Variants in NFIA observed in about 807,000 individuals in gnomAD.
NFIA encodes the protein nuclear factor I A, also known as nuclear factor 1 A-type.
In NFIA, 8 loss-of-function variants were observed where a neutral mutation model predicts 62.8. The ratio of observed to expected loss-of-function variants is 0.13; its 90% CI spans 0.07 to 0.23. NFIA has a LOEUF of 0.23. Among genes scored for constraint, NFIA ranks in the 10% least tolerant of loss-of-function variants. NFIA has a pLI of 1.00. For synonymous variants in NFIA, 235 were observed against 238.1 expected, an observed-to-expected ratio of 0.99 and a Z score of 0.12; for missense variants, 410 against 642.1, an observed-to-expected ratio of 0.64 and a Z score of 3.91.
chr1:61,186,848 G>C (rs1462667000), intron 2 of NFIA, among the ~76,000 whole-genome samples: 1 of 152,186 alleles, frequency 6.6e-6, no homozygotes, highest in Non-Finnish European at 1.5e-5. Context: ...GAGAAGGAAA[G>C]TGAGCCAAAG....
chr1:61,313,333 T>C (rs1236835835), intron 3 of NFIA, among the ~76,000 whole-genome samples: 4 of 152,198 alleles, frequency 2.6e-5, no homozygotes, highest in African/African-American at 9.6e-5. Context: ...CTGCTGGGCT[T>C]CTGGGAAGGC....
At chr1:61,086,860 A>G (rs545719035) in intron 1 of NFIA, among the ~76,000 whole-genome samples, 27 of 152,286 alleles carry the variant, frequency 1.8e-4, no homozygotes, top group African/African-American at 6.3e-4. Context: ...AACAAACTGA[A>G]AAAGAATGCA....
At chr1:61,388,561 G>C (rs1264258761) in intron 7 of NFIA, among the ~76,000 whole-genome samples, 1 of 152,190 alleles carries the variant, frequency 6.6e-6, no homozygotes, top group African/African-American at 2.4e-5. Context: ...TGAAGATTAA[G>C]AAGATAGTGA....
At chr1:61,132,322 G>A (rs921105123) in intron 2 of NFIA, among the ~76,000 whole-genome samples, 4 of 152,134 alleles carry the variant, frequency 2.6e-5, no homozygotes, top group South Asian at 2.1e-4. Flanking sequence ...CGAGGAGGAC[G>A]TGGTTTAGTT....
At chr1:61,151,548 G>A (rs991327736) in intron 2 of NFIA, among the ~76,000 whole-genome samples, 1 of 152,140 alleles carries the variant, frequency 6.6e-6, no homozygotes, top group Middle Eastern at 3.2e-3. Flanking sequence ...GGGAAAAGGA[G>A]AAAAGAAGGA....
chr1:61,236,378 A>ACGGCAG (rs1401713882), intron 2 of NFIA, among the ~76,000 whole-genome samples: 1 of 152,148 alleles, frequency 6.6e-6, no homozygotes, highest in Non-Finnish European at 1.5e-5. Flanking sequence ...AAAATAACAG[A>ACGGCAG]CGGCAGTGTT....
At chr1:61,317,757 A>G (rs1035746726) in intron 3 of NFIA, among the ~76,000 whole-genome samples, 7 of 152,090 alleles carry the variant, frequency 4.6e-5, no homozygotes, top group African/African-American at 1.7e-4. Context: ...TTTTTCTGTT[A>G]AAAATTCCCT....
intron 3 of NFIA, among the ~76,000 whole-genome samples, chr1:61,312,605 C>T (rs1660178199): frequency 6.6e-6 from 1 of 152,058 alleles, no homozygotes; most frequent in Non-Finnish European, 1.5e-5. Context: ...CTCAACTTCC[C>T]AGGCTCAGGT....
intron 2 of NFIA, among the ~76,000 whole-genome samples, chr1:61,136,279 C>G (rs1021844217): frequency 6.6e-6 from 1 of 152,168 alleles, no homozygotes; most frequent in Non-Finnish European, 1.5e-5. Context: ...TGAAGACTGT[C>G]TTAACAAGCA....
upstream of NFIA, among the ~76,000 whole-genome samples, chr1:61,081,256 TA>T (rs377051682): frequency 3.0e-3 from 429 of 142,352 alleles, 2 homozygotes; most frequent in Middle Eastern, 7.2e-3. Context: ...AATATGAGGT[TA>T]AAAAAAAAAA....
At chr1:61,155,970 A>G (rs529840653) in intron 2 of NFIA, among the ~76,000 whole-genome samples, 8 of 152,044 alleles carry the variant, frequency 5.3e-5, no homozygotes, top group Non-Finnish European at 8.8e-5. Flanking sequence ...AAATCCCGTC[A>G]CTACTAAAAA....
chr1:61,133,287 T>C (rs1164214600), intron 2 of NFIA, among the ~76,000 whole-genome samples: 1 of 151,732 alleles, frequency 6.6e-6, no homozygotes, highest in East Asian at 1.9e-4. Flanking sequence ...TTTTTCTCTG[T>C]TGACCTAATG....
chr1:61,141,203 C>T (rs946941309), intron 2 of NFIA, among the ~76,000 whole-genome samples: 5 of 151,972 alleles, frequency 3.3e-5, no homozygotes, highest in East Asian at 1.9e-4. Context: ...GCTACAAGAT[C>T]GAAGAAGGAG....
At chr1:61,091,919 CAAATT>C in intron 2 of NFIA, among the ~76,000 whole-genome samples, 1 of 151,336 alleles carries the variant, frequency 6.6e-6, no homozygotes, top group African/African-American at 2.4e-5. Flanking sequence ...GATTCTCAGT[CAAATT>C]AGTTAGATTT....
At chr1:61,369,858 T>C (rs1239580794) in intron 6 of NFIA, among the ~76,000 whole-genome samples, 1 of 152,224 alleles carries the variant, frequency 6.6e-6, no homozygotes, top group African/African-American at 2.4e-5. Context: ...TACTATTGTT[T>C]GCAGACTTAT....
At chr1:61,438,630 C>T (rs1036523765) in intron 10 of NFIA, among the ~76,000 whole-genome samples, 1 of 152,066 alleles carries the variant, frequency 6.6e-6, no homozygotes, top group African/African-American at 2.4e-5. Flanking sequence ...GTTCAACTAA[C>T]GTCGCCAGTT....
chr1:61,412,065 G>A lies in NFIA; in HGVS notation c.1420+5338G>A, dbSNP rs115096595. On this transcript the variant is annotated intron_variant, in intron 9 of 10. Coordinates refer to ENST00000403491, the MANE Select transcript of NFIA (RefSeq NM_001134673.4). Reference sequence around the variant, plus strand: ...TAGATTTTAATAGATACATCCTGAAGGTTTTGTTGAAAATAGATTGTCAGG... The same window carrying A: ...TAGATTTTAATAGATACATCCTGAAAGTTTTGTTGAAAATAGATTGTCAGG... Among the ~76,000 whole-genome samples the A allele has an allele frequency of 4.3e-3, 661 of 152,132 alleles. 7 individuals are homozygous for A. Among genetic ancestry groups the A allele is most frequent in the African/African-American group, 0.015 (631 of 41,494 alleles).
At chr1:61,122,479 A>G (rs1646903526) in intron 2 of NFIA, among the ~76,000 whole-genome samples, 2 of 152,152 alleles carry the variant, frequency 1.3e-5, no homozygotes, top group South Asian at 2.1e-4. Context: ...CTCCTGACAT[A>G]AAAAAAGGTG....
At chr1:61,393,285 CT>C (rs1665095015) in intron 7 of NFIA, among the ~76,000 whole-genome samples, 1 of 82,338 alleles carries the variant, frequency 1.2e-5, no homozygotes, top group Non-Finnish European at 2.1e-5. Flanking sequence ...CTCTCTCTCT[CT>C]CTCTCCCTCT....
Sources: allele counts gnomAD v4.1 joint callset (sites outside exome capture counted in the v4.1 genomes callset), GRCh38; gene constraint gnomAD v4.1.1; transcripts MANE v1.5; gene names NCBI Gene and HGNC (gene_info 2026-07-23, HGNC 2026-07-21).